Variants in LIMCH1 observed in about 807,000 individuals in gnomAD.
LIMCH1 encodes the protein LIM and calponin homology domains-containing protein 1.
A neutral mutation model predicts 176.5 loss-of-function variants in LIMCH1; 113 were observed. The ratio of observed to expected loss-of-function variants is 0.64; its 90% CI spans 0.55 to 0.75. The LOEUF is 0.75. LIMCH1 is among the 30% of genes least tolerant of loss of function. LIMCH1 has a pLI of 0.00. For missense variants in LIMCH1, 1,674 were observed against 1,814.9 expected, an observed-to-expected ratio of 0.92 and a Z score of 1.41; for synonymous variants, 619 against 645.9, an observed-to-expected ratio of 0.96 and a Z score of 0.63.
At chr4:41,458,796 T>A (rs6447073) in intron 1 of LIMCH1, among the ~76,000 whole-genome samples, 64,093 of 131,128 alleles carry the variant, frequency 0.49, 17,417 homozygotes, top group African/African-American at 0.8. Context: ...AAAAAAAAAA[T>A]AGATTGTGAG....
At chr4:41,378,036 A>G (rs2055030358) in intron 1 of LIMCH1, among the ~76,000 whole-genome samples, 1 of 152,222 alleles carries the variant, frequency 6.6e-6, no homozygotes, top group Non-Finnish European at 1.5e-5. Context: ...GTCTTGAAAA[A>G]TTAGCAAGCA....
In LIMCH1 at chr4:41,479,100, ATT is replaced by A. The variant is rs111320659; in HGVS notation, c.97-15433_97-15432del. On this transcript the variant is annotated intron_variant, in intron 1 of 26. Transcript: ENST00000313860. Reference sequence around the variant, plus strand: ...CCACCTAGTTTCAACAATTGTTAGAATTTTCTTTATTTGCTTCCTACACACAC... The same window carrying A: ...CCACCTAGTTTCAACAATTGTTAGAATTCTTTATTTGCTTCCTACACACAC... 6.3e-3 allele frequency among the ~76,000 whole-genome samples: 952 copies of A among 152,160 alleles called. 6 individuals are homozygous for A. The highest frequency in any genetic ancestry group is 0.016 in the African/African-American group (670 of 41,512).
intron 1 of LIMCH1, among the ~76,000 whole-genome samples, chr4:41,557,497 A>C (rs997629903): frequency 6.6e-5 from 10 of 152,120 alleles, no homozygotes; most frequent in African/African-American, 2.4e-4. Context: ...ATAGATCTAA[A>C]TCAAGCAAAG....
chr4:41,682,858 G>A (rs1374015130), intron 26 of LIMCH1, among the ~76,000 whole-genome samples: 1 of 151,898 alleles, frequency 6.6e-6, no homozygotes, highest in Non-Finnish European at 1.5e-5. Context: ...TGTATTTTTA[G>A]TAGAGATGGG....
At chr4:41,398,872 C>T (rs2058080867) in intron 1 of LIMCH1, among the ~76,000 whole-genome samples, 1 of 152,184 alleles carries the variant, frequency 6.6e-6, no homozygotes, top group South Asian at 2.1e-4. Context: ...CTCCCTCCCA[C>T]ATCCCTAAAT....
rs190782721 is a variant in LIMCH1 at position 41,449,520 on chromosome 4, C to T, written c.97-45016C>T. ...CTTGCTTACATTTTCTCCCCACCTT[C>T]TCTCTCTCTTACTTTCTTATTACAG... On this transcript the variant is annotated intron_variant, in intron 1 of 26. Transcript: ENST00000313860. 1.5e-3 allele frequency among the ~76,000 whole-genome samples: 236 copies of T among 152,272 alleles called. 1 individual carries two copies. Among genetic ancestry groups the T allele is most frequent in the Admixed American group, 2.4e-3 (37 of 15,290 alleles).
At position 41,613,559 on chromosome 4, in the gene LIMCH1, C is replaced by G. The variant is rs769377410; in HGVS notation, c.103C>G (p.Pro35Ala). 53 of 1,614,020 alleles carry G rather than the reference C, an allele frequency of 3.3e-5. No homozygotes were observed. Among genetic ancestry groups the G allele is most frequent in the Non-Finnish European group, 8.5e-7 (1 of 1,180,016 alleles). ...CGAGCGCAGCGACTCCCTCTCTCCT[C>G]CTCGCCACGGCAGAGATGATTCCTT... ...DSERSDSLSP[P>A]RHGRDDSFDS... The change falls in exon 5 of 32, where the codon CCT becomes GCT. Residue 35 changes from proline (P) to alanine (A), a missense_variant. By Grantham distance (27) the Pro-to-Ala change is conservative. Transcript: ENST00000503057.
intron 1 of LIMCH1, among the ~76,000 whole-genome samples, chr4:41,396,681 A>G (rs1293375019): frequency 6.6e-6 from 1 of 152,070 alleles, no homozygotes; most frequent in Admixed American, 6.6e-5. Flanking sequence ...TGGGCAGATC[A>G]CTTGAGGTCA....
intron 1 of LIMCH1, among the ~76,000 whole-genome samples, chr4:41,403,007 CAAATGCTGA>C (rs1372036265): frequency 6.6e-6 from 1 of 151,476 alleles, no homozygotes; most frequent in Admixed American, 6.6e-5. Flanking sequence ...AAGACCTATC[CAAATGCTGA>C]AAATGAAACT....
intron 4 of LIMCH1, chr4:41,612,391 G>A: frequency 1.7e-6 from 1 of 581,126 alleles, no homozygotes; most frequent in East Asian, 2.8e-5. Flanking sequence ...GAGCATCCCA[G>A]GGAATCTGCA....
chr4:41,518,735 G>A (rs192422653), intron 2 of LIMCH1, among the ~76,000 whole-genome samples: 7 of 152,060 alleles, frequency 4.6e-5, no homozygotes, highest in Admixed American at 1.3e-4. Flanking sequence ...GCCTCTTCTT[G>A]CCCCCCACCC....
rs1473566683 is a variant in LIMCH1 at position 41,619,231 on chromosome 4, G to T, written c.249G>T (p.Leu83=). ...AATCCGACTTGCCTCATCGGAAGCTGCCAGATGTGAAGAAGGATGACATGT... is the reference window on the plus strand; with the variant it reads ...AATCCGACTTGCCTCATCGGAAGCTTCCAGATGTGAAGAAGGATGACATGT... The part of the protein sequence containing the change: ...DSESDLPHRK[L]PDVKKDDMSA... The change falls in exon 6 of 32, where the codon CTG becomes CTT. Residue 83 remains leucine (L), a synonymous_variant. Transcript: ENST00000503057. The T allele has an allele frequency of 6.2e-7, 1 of 1,614,174 alleles. No homozygotes were observed. The highest frequency in any genetic ancestry group is 8.5e-7 in the Non-Finnish European group (1 of 1,180,030).
At position 41,455,720 on chromosome 4, in the gene LIMCH1, A is replaced by C. The variant is rs540219564; in HGVS notation, c.97-38816A>C. ...GCATTTAGTTGCTTCGACTCAGCGCACAAGTTAATTTAATGTTTTGAGTTT... is the reference window on the plus strand; with the variant it reads ...GCATTTAGTTGCTTCGACTCAGCGCCCAAGTTAATTTAATGTTTTGAGTTT... On this transcript the variant is annotated intron_variant, in intron 1 of 26. Coordinates refer to the LIMCH1 transcript ENST00000313860. Among the ~76,000 whole-genome samples the C allele has an allele frequency of 9.9e-4, 151 of 152,366 alleles. 2 individuals carry two copies. The highest frequency in any genetic ancestry group is 3.3e-3 in the African/African-American group (137 of 41,594).
chr4:41,488,971 A>G (rs2070228775), intron 1 of LIMCH1, among the ~76,000 whole-genome samples: 1 of 152,056 alleles, frequency 6.6e-6, no homozygotes, highest in Non-Finnish European at 1.5e-5. Context: ...TCTTTGTGAG[A>G]AGGGTATCTT....
intron 9 of LIMCH1, 44 bp downstream of exon 9, chr4:41,629,778 A>G (rs1339800151): frequency 6.7e-7 from 1 of 1,487,648 alleles, no homozygotes. Flanking sequence ...CAGTCATGGT[A>G]TTTCATTTTG....
At chr4:41,618,638 T>G (rs2092325817) in intron 5 of LIMCH1, among the ~76,000 whole-genome samples, 1 of 152,216 alleles carries the variant, frequency 6.6e-6, no homozygotes, top group Non-Finnish European at 1.5e-5. Flanking sequence ...AACCACTTCC[T>G]GGAAGACAAA....
intron 2 of LIMCH1, chr4:41,494,754 C>T (rs1392601319): frequency 1.7e-6 from 1 of 584,382 alleles, no homozygotes. Context: ...ACAAGAAACA[C>T]AAGTCGGTGT....
intron 1 of LIMCH1, among the ~76,000 whole-genome samples, chr4:41,420,034 G>A (rs10002218): frequency 0.039 from 5,943 of 152,150 alleles, 380 homozygotes; most frequent in African/African-American, 0.13. Context: ...TGATAGAGGG[G>A]CTGATAAATG....
chr4:41,667,993 T>C (rs1212705820), intron 21 of LIMCH1, among the ~76,000 whole-genome samples: 3 of 151,702 alleles, frequency 2.0e-5, no homozygotes, highest in Admixed American at 2.0e-4. Flanking sequence ...ATTTTAAATA[T>C]AAACATTTTT....
Sources: allele counts gnomAD v4.1 joint callset (sites outside exome capture counted in the v4.1 genomes callset), GRCh38; gene constraint gnomAD v4.1.1; transcripts MANE v1.5; gene names NCBI Gene and HGNC (gene_info 2026-07-23, HGNC 2026-07-21).